OR5AS1: variants seen among roughly 807,000 people sequenced by gnomAD.
OR5AS1 encodes the protein olfactory receptor 5AS1.
For synonymous variants in OR5AS1, 196 were observed against 141.7 expected, an observed-to-expected ratio of 1.38 and a Z score of -2.72; for missense variants, 492 against 378.2, an observed-to-expected ratio of 1.30 and a Z score of -2.50.
At position 56,033,858 on chromosome 11, in the gene OR5AS1, A is replaced by T. The variant is rs914785443; in HGVS notation, c.*2465A>T. 3.9e-5 allele frequency: 6 copies of T among 152,222 alleles called. No homozygotes were observed. The highest frequency in any genetic ancestry group is 7.3e-5 in the Non-Finnish European group (5 of 68,130). 9.4% of individuals were successfully genotyped at this position (152,222 alleles called of 1,614,324 possible). ...GACACCTTCCAGTAGGGGTTGACAG[A>T]TACCTCATAGGAGAGAGCTCCAGCT... On this transcript the variant is annotated 3_prime_UTR_variant, in exon 2 of 2. Transcript: ENST00000641320.
rs954963333 is a variant in OR5AS1, at chr11:56,031,863, G to C, written c.*470G>C. On this transcript the variant is annotated 3_prime_UTR_variant, in exon 2 of 2. Coordinates refer to ENST00000641320, the MANE Select transcript of OR5AS1 (RefSeq NM_001001921.2). ...CTGCTCAAGGTCATCGCCAAGGTCT[G>C]ATTTCAAAAATTCAAAATATTGTAA... 3 of 152,658 alleles carry C rather than the reference G, an allele frequency of 2.0e-5. No individual in the cohort carries two copies. Among genetic ancestry groups the C allele is most frequent in the African/African-American group, 7.3e-5 (3 of 41,362 alleles). 9.5% of individuals were successfully genotyped at this position (152,658 alleles called of 1,614,324 possible). A position where few individuals can be genotyped will look rare whatever the true frequency, so the allele number is the denominator to read the frequency against.
At position 56,030,626 on chromosome 11, in the gene OR5AS1, G is replaced by A; in HGVS notation, c.208G>A (p.Asp70Asn). The change falls in exon 2 of 2, where the codon GAC becomes AAC. Residue 70 changes from aspartate (D) to asparagine (N), a missense_variant. Coordinates refer to ENST00000641320, the MANE Select transcript of OR5AS1 (RefSeq NM_001001921.2). ...YYFLSNLSFL[D>N]ISCSTAITPK... The stretch of plus-strand genomic sequence containing the variant: ...TTTTCTTAGCAACTTATCTTTCTTA[G>A]ACATCAGCTGTTCTACAGCAATCAC... 3.9e-6 allele frequency: 6 copies of A among 1,551,858 alleles called. No individual in the cohort carries two copies. The highest frequency in any genetic ancestry group is 5.2e-6 in the Non-Finnish European group (6 of 1,152,034).
chr11:56,029,405 T>C (rs1229217048), intron 1 of OR5AS1, among the ~76,000 whole-genome samples: 1 of 152,030 alleles, frequency 6.6e-6, no homozygotes, highest in East Asian at 1.9e-4. Context: ...CTAATGTTTC[T>C]GGAACCTCAC....
chr11:56,031,361 T>C lies in OR5AS1; in HGVS notation c.943T>C (p.Tyr315His). The change falls in exon 2 of 2, where the codon TAT (tyrosine) becomes CAT (histidine). Residue 315 changes from tyrosine to histidine, a missense_variant. By Grantham distance (83) the Tyr-to-His change is moderately conservative. Coordinates refer to ENST00000641320, the MANE Select transcript of OR5AS1 (RefSeq NM_001001921.2). ...AAGAATTGGATATTCAAATGAATGG[T>C]ATTTAAATCGTTTAAGAATAGTCAA... ...LERIGYSNEW[Y>H]LNRLRIVNI The C allele has an allele frequency of 5.2e-6, 8 of 1,552,356 alleles. No homozygotes were observed. In the South Asian group the frequency reaches 9.4e-5, roughly 18 times the overall value.
Position 56,030,448 on chromosome 11 carries a change from T to C in OR5AS1, c.30T>C (p.Thr10=), listed in dbSNP as rs1217002111. The C allele has an allele frequency of 6.7e-7, 1 of 1,493,868 alleles. No individual in the cohort carries two copies. Among genetic ancestry groups the C allele is most frequent in the East Asian group, 2.3e-5 (1 of 43,876 alleles). 92.5% of individuals were successfully genotyped at this position (1,493,868 alleles called of 1,614,324 possible). MLESNYTMP[T]EFLFVGFTDY... ...TGGAGAGTAATTACACCATGCCAAC[T>C]GAGTTCCTATTTGTTGGATTCACAG... Residue 10 remains threonine (T), a synonymous_variant, in exon 2 of 2, where the codon ACT becomes ACC. Coordinates refer to ENST00000641320, the MANE Select transcript of OR5AS1 (RefSeq NM_001001921.2).
In OR5AS1 at chr11:56,031,089, C is replaced by T; in HGVS notation, c.671C>T (p.Thr224Ile). 1.2e-6 allele frequency: 2 copies of T among 1,614,006 alleles called. No individual in the cohort carries two copies. The highest frequency in any genetic ancestry group is 1.7e-6 in the Non-Finnish European group (2 of 1,179,970). The change falls in exon 2 of 2, where the codon ACT becomes ATT. Residue 224 changes from threonine (T) to isoleucine (I), a missense_variant. Transcript: ENST00000641320. Reference sequence around the variant, plus strand: ...ATTTCTTACTTCTGCATCCTCATCACTGTGTTGAGCATCAAGTCCTCAGGT... The same window carrying T: ...ATTTCTTACTTCTGCATCCTCATCATTGTGTTGAGCATCAAGTCCTCAGGT... ...IFISYFCILI[T>I]VLSIKSSGGR...
chr11:56,031,145 TC>T lies in OR5AS1; in HGVS notation c.730del (p.His244ThrfsTer3). 1 of 1,614,100 alleles carries T rather than the reference TC, an allele frequency of 6.2e-7. No homozygotes were observed. The highest frequency in any genetic ancestry group is 8.5e-7 in the Non-Finnish European group (1 of 1,180,022). On this transcript the variant is annotated frameshift_variant, in exon 2 of 2. Transcript: ENST00000641320. LOFTEE classifies it low-confidence loss of function (END_TRUNC). ...AAGCAAAACATTCTCCACTTGTGCT[TC>T]CCACCTCATAGCAGTCACCTTATTC... ...GRSKTFSTCA[S>X]HLIAVTLFYG...
intron 1 of OR5AS1, among the ~76,000 whole-genome samples, chr11:56,027,955 C>A (rs1374437381): frequency 1.3e-5 from 2 of 151,816 alleles, no homozygotes; most frequent in Non-Finnish European, 2.9e-5. Context: ...TCGTTGTGTA[C>A]CTTATTGCCA....
In OR5AS1 at chr11:56,032,498, C is replaced by T. The variant is rs1354243960; in HGVS notation, c.*1105C>T. On this transcript the variant is annotated 3_prime_UTR_variant, in exon 2 of 2. Coordinates refer to ENST00000641320, the MANE Select transcript of OR5AS1 (RefSeq NM_001001921.2). ...TTATTTTGACAAAGTTAAAGTGATA[C>T]ACCATGTACATGTGAAATAAAAAAG... 5 of 152,008 alleles carry T rather than the reference C, an allele frequency of 3.3e-5. No individual in the cohort carries two copies. The highest frequency in any genetic ancestry group is 5.9e-5 in the Non-Finnish European group (4 of 68,026). The allele number at this position is 152,008 out of a possible 1,614,324, so 9.4% of individuals were successfully genotyped here. A position where few individuals can be genotyped will look rare whatever the true frequency, so the allele number is the denominator to read the frequency against.
In OR5AS1 at chr11:56,038,022, G is replaced by T. The variant is rs563822366; in HGVS notation, c.*6629G>T. On this transcript the variant is annotated 3_prime_UTR_variant, in exon 2 of 2. Coordinates refer to ENST00000641320, the MANE Select transcript of OR5AS1 (RefSeq NM_001001921.2). ...CTGACAAAAACAAGCAATGAGGAAA[G>T]GATTCCCTATTTAATAAATGGTGTT... The T allele has an allele frequency of 6.6e-6, 1 of 152,202 alleles. No homozygotes were observed. The highest frequency in any genetic ancestry group is 2.4e-5 in the African/African-American group (1 of 41,492). 9.4% of individuals were successfully genotyped at this position (152,202 alleles called of 1,614,324 possible).
At position 56,032,472 on chromosome 11, in the gene OR5AS1, C is replaced by G. The variant is rs567913030; in HGVS notation, c.*1079C>G. On this transcript the variant is annotated 3_prime_UTR_variant, in exon 2 of 2. Transcript: ENST00000641320. ...TCTGAAGTCTCTATTTACTTTTTGT[C>G]TTATTTTGACAAAGTTAAAGTGATA... 8 of 151,880 alleles carry G rather than the reference C, an allele frequency of 5.3e-5. No individual in the cohort carries two copies. Among genetic ancestry groups the G allele is most frequent in the African/African-American group, 1.2e-4 (5 of 41,398 alleles). 9.4% of individuals were successfully genotyped at this position (151,880 alleles called of 1,614,324 possible).
In OR5AS1 at chr11:56,031,491, T is replaced by A. The variant is rs995455895; in HGVS notation, c.*98T>A. On this transcript the variant is annotated 3_prime_UTR_variant, in exon 2 of 2. Transcript: ENST00000641320. ...CATTTTCAGAAATAAAGATAACTTG[T>A]TATACTCAGTGCATTAAAATGCTTC... 1 of 902,046 alleles carries A rather than the reference T, an allele frequency of 1.1e-6. No homozygotes were observed. Among genetic ancestry groups the A allele is most frequent in the African/African-American group, 1.7e-5 (1 of 60,198 alleles). 55.9% of individuals were successfully genotyped at this position (902,046 alleles called of 1,614,324 possible). A position where few individuals can be genotyped will look rare whatever the true frequency, so the allele number is the denominator to read the frequency against.
In OR5AS1 at chr11:56,030,743, G is replaced by A. The variant is rs1853339427; in HGVS notation, c.325G>A (p.Asp109Asn). The A allele has an allele frequency of 6.2e-7, 1 of 1,612,670 alleles. No homozygotes were observed. The highest frequency in any genetic ancestry group is 2.2e-5 in the East Asian group (1 of 44,810). ...AATGTTTTTCTTCGCTTCTTTTGCT[G>A]ATGCTGAGTGCCTTATCCTGGCAGC... ...LQMFFFASFADAECLILAAMA... is the reference protein window; with the variant it reads ...LQMFFFASFANAECLILAAMA... Residue 109 changes from aspartate to asparagine, a missense_variant, in exon 2 of 2, where the codon GAT becomes AAT. Coordinates refer to ENST00000641320, the MANE Select transcript of OR5AS1 (RefSeq NM_001001921.2).
In OR5AS1 at chr11:56,031,350, C is replaced by A; in HGVS notation, c.932C>A (p.Ser311Ter). ...LKKLLERIGY[S>*]NEWYLNRLRI... Reference sequence around the variant, plus strand: ...AAGCTATTAGAAAGAATTGGATATTCAAATGAATGGTATTTAAATCGTTTA... The same window carrying A: ...AAGCTATTAGAAAGAATTGGATATTAAAATGAATGGTATTTAAATCGTTTA... Residue 311 changes from serine to a stop codon, truncating the protein, a stop_gained, in exon 2 of 2, where the codon TCA becomes TAA. Transcript: ENST00000641320. LOFTEE classifies it low-confidence loss of function (END_TRUNC). 1 of 1,565,530 alleles carries A rather than the reference C, an allele frequency of 6.4e-7. No homozygotes were observed. The highest frequency in any genetic ancestry group is 8.7e-7 in the Non-Finnish European group (1 of 1,154,146).
chr11:56,030,553 A>T lies in OR5AS1; in HGVS notation c.135A>T (p.Leu45Phe). The T allele has an allele frequency of 6.4e-7, 1 of 1,556,392 alleles. No homozygotes were observed. Among genetic ancestry groups the T allele is most frequent in the Non-Finnish European group, 8.7e-7 (1 of 1,148,466 alleles). Residue 45 changes from leucine (L) to phenylalanine (F), a missense_variant, in exon 2 of 2, where the codon TTA becomes TTT. By Grantham distance (22) the Leu-to-Phe change is conservative (BLOSUM62 0). Coordinates refer to ENST00000641320, the MANE Select transcript of OR5AS1 (RefSeq NM_001001921.2). ...YTLTMVGNIL[L>F]IILVNINSSL... is the part of the protein sequence containing the mutation. ...TAACTATGGTCGGAAATATACTCTT[A>T]ATAATTCTAGTTAATATTAATTCAA...
In OR5AS1 at chr11:56,037,534, C is replaced by G. The variant is rs937456410; in HGVS notation, c.*6141C>G. On this transcript the variant is annotated 3_prime_UTR_variant, in exon 2 of 2. Transcript: ENST00000641320. ...ATTGCTACAAAAGAGTGTAAAATACCTAGAAATACAACTTACGAGGGATAT... is the reference window on the plus strand; with the variant it reads ...ATTGCTACAAAAGAGTGTAAAATACGTAGAAATACAACTTACGAGGGATAT... The G allele has an allele frequency of 6.6e-6, 1 of 151,878 alleles. No individual in the cohort carries two copies. Among genetic ancestry groups the G allele is most frequent in the African/African-American group, 2.4e-5 (1 of 41,300 alleles). 9.4% of individuals were successfully genotyped at this position (151,878 alleles called of 1,614,324 possible). A position where few individuals can be genotyped will look rare whatever the true frequency, so the allele number is the denominator to read the frequency against.
Position 56,035,149 on chromosome 11 carries a change from C to A in OR5AS1, c.*3756C>A, listed in dbSNP as rs1482037619. On this transcript the variant is annotated 3_prime_UTR_variant, in exon 2 of 2. Transcript: ENST00000641320. The stretch of plus-strand genomic sequence containing the variant: ...AAACATGGAAAGGTACAACTGGTAA[C>A]AGCCACTGCAAAAAAAACAAATTTT... 4 of 151,552 alleles carry A rather than the reference C, an allele frequency of 2.6e-5. No individual in the cohort carries two copies. The highest frequency in any genetic ancestry group is 5.9e-5 in the Non-Finnish European group (4 of 67,678). 9.4% of individuals were successfully genotyped at this position (151,552 alleles called of 1,614,324 possible). A position where few individuals can be genotyped will look rare whatever the true frequency, so the allele number is the denominator to read the frequency against.
chr11:56,027,942 A>C (rs1341360760), intron 1 of OR5AS1, among the ~76,000 whole-genome samples: 2 of 151,998 alleles, frequency 1.3e-5, no homozygotes. Context: ...TGTCACGCCC[A>C]ATTCGTTGTG....
rs1172238353 is a variant in OR5AS1 at position 56,031,536 on chromosome 11, T to A, written c.*143T>A. ...TGCTTCATCCTCTCTTCCAAAAATG[T>A]TCTCTCCACAATTCTACTCTATAAA... is the stretch of plus-strand genomic sequence containing the variant. On this transcript the variant is annotated 3_prime_UTR_variant, in exon 2 of 2. Coordinates refer to ENST00000641320, the MANE Select transcript of OR5AS1 (RefSeq NM_001001921.2). 1 of 604,880 alleles carries A rather than the reference T, an allele frequency of 1.7e-6. No homozygotes were observed. Among genetic ancestry groups the A allele is most frequent in the Non-Finnish European group, 2.9e-6 (1 of 350,514 alleles). 37.5% of individuals were successfully genotyped at this position (604,880 alleles called of 1,614,324 possible). A position where few individuals can be genotyped will look rare whatever the true frequency, so the allele number is the denominator to read the frequency against.
Sources: gnomAD v4.1 joint callset for allele counts (sites outside exome capture counted in the v4.1 genomes callset) on GRCh38, gnomAD v4.1.1 for gene constraint, MANE v1.5 for transcripts, NCBI Gene and HGNC (gene_info 2026-07-23, HGNC 2026-07-21) for gene names.